TCTN3: variants seen among roughly 807,000 people sequenced by gnomAD.
TCTN3 encodes tectonic family member 3.
In TCTN3, 57 loss-of-function variants were observed where a neutral mutation model predicts 71.3. The observed-to-expected ratio is 0.80, with a 90% confidence interval of 0.65 to 1.00. TCTN3 has a LOEUF of 1.00. Ranked by LOEUF, TCTN3 falls within the 50% of genes least tolerant of loss-of-function variation. TCTN3 has a pLI of 0.00. For synonymous variants in TCTN3, 258 were observed against 267.8 expected, an observed-to-expected ratio of 0.96 and a Z score of 0.36; for missense variants, 696 against 719.9, an observed-to-expected ratio of 0.97 and a Z score of 0.38.
In TCTN3 at chr10:95,692,934, A is replaced by T; in HGVS notation, c.485T>A (p.Val162Asp). ...MDSNGIRQFC[V>D]HVNNSNLNYF... ...TTTCTACTCACAGTTGTTCACATGGACACAAAACTGCCTGATTCCATTAGA... is the reference window on the plus strand; with the variant it reads ...TTTCTACTCACAGTTGTTCACATGGTCACAAAACTGCCTGATTCCATTAGA... The change falls in exon 3 of 14, where the codon GTC becomes GAC. Residue 162 changes from valine to aspartate, a missense_variant. By Grantham distance (152) the Val-to-Asp change is radical. Transcript: ENST00000371217. 6.2e-7 allele frequency: 1 copy of T among 1,612,612 alleles called. No individual in the cohort carries two copies. The highest frequency in any genetic ancestry group is 1.1e-5 in the South Asian group (1 of 91,044).
At chr10:95,685,680 T>G in intron 7 of TCTN3, 44 bp from the exon 8 acceptor site, 4 of 1,443,070 alleles carry the variant, frequency 2.8e-6, no homozygotes, top group African/African-American at 2.8e-5. Flanking sequence ...GAAGGCGGTA[T>G]TTTGTCTTGT....
chr10:95,675,628 G>GA (rs938317254), intron 13 of TCTN3, among the ~76,000 whole-genome samples: 9 of 152,150 alleles, frequency 5.9e-5, no homozygotes, highest in African/African-American at 2.2e-4. Context: ...TTCAGTGACA[G>GA]AAACTACTGA....
chr10:95,689,674 T>C (rs1396602905), intron 3 of TCTN3, among the ~76,000 whole-genome samples: 4 of 152,208 alleles, frequency 2.6e-5, no homozygotes, highest in African/African-American at 7.2e-5. Flanking sequence ...ATGGTAAACA[T>C]AGGCTAAGTA....
intron 13 of TCTN3, 86 bp downstream of exon 13, chr10:95,680,385 AG>A: frequency 1.4e-6 from 2 of 1,466,376 alleles, no homozygotes; most frequent in South Asian, 2.8e-5. Flanking sequence ...AGCTCTTGGA[AG>A]GTAAAAAATT....
At chr10:95,673,220 C>G (rs1413841974) in intron 13 of TCTN3, among the ~76,000 whole-genome samples, 1 of 152,000 alleles carries the variant, frequency 6.6e-6, no homozygotes, top group East Asian at 1.9e-4. Context: ...AGTTTATGGT[C>G]AATGATTTTT....
chr10:95,666,845 T>C (rs1340794040), intron 13 of TCTN3, among the ~76,000 whole-genome samples: 2 of 152,346 alleles, frequency 1.3e-5, no homozygotes, highest in African/African-American at 2.4e-5. Context: ...ATTGGGATAG[T>C]GGTCTCATGA....
At chr10:95,675,741 CCTT>C (rs1237104192) in intron 13 of TCTN3, among the ~76,000 whole-genome samples, 1 of 152,150 alleles carries the variant, frequency 6.6e-6, no homozygotes, top group Non-Finnish European at 1.5e-5. Context: ...AAAGAGAATC[CCTT>C]CTTACTAATC....
chr10:95,672,440 C>T (rs566793652), intron 13 of TCTN3, among the ~76,000 whole-genome samples: 137 of 152,086 alleles, frequency 9.0e-4, no homozygotes, highest in Non-Finnish European at 1.7e-3. Flanking sequence ...ATTGTGGATT[C>T]ATAAGGAAGA....
At chr10:95,682,346 C>T (rs1194710045) in intron 12 of TCTN3, among the ~76,000 whole-genome samples, 1 of 151,628 alleles carries the variant, frequency 6.6e-6, no homozygotes, top group Non-Finnish European at 1.5e-5. Flanking sequence ...AAAAATTAGC[C>T]GGGTGTGGTG....
intron 13 of TCTN3, among the ~76,000 whole-genome samples, chr10:95,671,836 TC>T (rs1312369586): frequency 1.3e-5 from 2 of 152,220 alleles, no homozygotes; most frequent in Non-Finnish European, 2.9e-5. Context: ...TCTCAGGTGA[TC>T]CGCCCGCCTT....
intron 13 of TCTN3, among the ~76,000 whole-genome samples, chr10:95,675,967 T>C (rs946325841): frequency 1.3e-5 from 2 of 152,210 alleles, no homozygotes; most frequent in Non-Finnish European, 2.9e-5. Context: ...GTCAATAGTG[T>C]TAAATAGATT....
intron 13 of TCTN3, 93 bp from the exon 14 acceptor site, chr10:95,664,393 A>G: frequency 9.3e-7 from 1 of 1,073,836 alleles, no homozygotes; most frequent in Non-Finnish European, 1.4e-6. Flanking sequence ...CTGAAGAGAG[A>G]AATGAATTAT....
In TCTN3 at chr10:95,687,600, A is replaced by C. The variant is rs2097949655; in HGVS notation, c.619T>G (p.Phe207Val). The change falls in exon 4 of 14, where the codon TTT (phenylalanine) becomes GTT (valine). Residue 207 changes from phenylalanine to valine, a missense_variant. Transcript: ENST00000371217. ...CCCTTCCCCAGGCTCACCCTGTAAA[A>C]AGATGGTGGTGATTGAGTTTGGAAT... is the stretch of plus-strand genomic sequence containing the variant. ...STFQTQSPPS[F>V]YRAGDPILTY... 6.2e-7 allele frequency: 1 copy of C among 1,613,368 alleles called. No individual in the cohort carries two copies. The highest frequency in any genetic ancestry group is 1.3e-5 in the African/African-American group (1 of 74,914).
intron 13 of TCTN3, among the ~76,000 whole-genome samples, chr10:95,679,734 G>A (rs2097941022): frequency 6.6e-6 from 1 of 150,686 alleles, no homozygotes; most frequent in Non-Finnish European, 1.5e-5. Flanking sequence ...TAGGACTACA[G>A]GCGCCCGCCA....
chr10:95,666,990 G>C (rs2097926323), intron 13 of TCTN3, among the ~76,000 whole-genome samples: 1 of 152,188 alleles, frequency 6.6e-6, no homozygotes, highest in Non-Finnish European at 1.5e-5. Flanking sequence ...GGGAAAAAGA[G>C]TATCATTAGC....
Position 95,663,804 on chromosome 10 carries a change from T to C in TCTN3, c.*263A>G, listed in dbSNP as rs1199536155. 3 of 391,148 alleles carry C rather than the reference T, an allele frequency of 7.7e-6. No homozygotes were observed. The highest frequency in any genetic ancestry group is 1.4e-5 in the Non-Finnish European group (3 of 213,324). 24.2% of individuals were successfully genotyped at this position (391,148 alleles called of 1,614,324 possible). On this transcript the variant is annotated 3_prime_UTR_variant, in exon 14 of 14. Coordinates refer to ENST00000371217, the MANE Select transcript of TCTN3 (RefSeq NM_015631.6). ...ATAACCAGAAAGGCTGAAGGAAGGC[T>C]CTTGGCCTTCCCAGCTTGAGAAGTA...
chr10:95,688,251 A>G (rs2097950292), intron 3 of TCTN3, among the ~76,000 whole-genome samples: 1 of 151,858 alleles, frequency 6.6e-6, no homozygotes, highest in South Asian at 2.1e-4. Flanking sequence ...TTAGCCGGAC[A>G]TGGTGGCAGG....
At chr10:95,669,214 A>G (rs1172261076) in intron 13 of TCTN3, among the ~76,000 whole-genome samples, 1 of 152,222 alleles carries the variant, frequency 6.6e-6, no homozygotes, top group East Asian at 1.9e-4. Flanking sequence ...AAGGATAACT[A>G]AGTGTTCAAC....
At chr10:95,685,467 G>C in intron 8 of TCTN3, 89 bp downstream of exon 8, 1 of 1,023,606 alleles carries the variant, frequency 9.8e-7, no homozygotes, top group Non-Finnish European at 1.4e-6. Context: ...AATTCAGTTG[G>C]GTCAGTCTGA....
Sources: gnomAD v4.1 joint callset for allele counts (sites outside exome capture counted in the v4.1 genomes callset) on GRCh38, gnomAD v4.1.1 for gene constraint, MANE v1.5 for transcripts, NCBI Gene and HGNC (gene_info 2026-07-23, HGNC 2026-07-21) for gene names.